Variants in SYT1 observed in about 807,000 individuals in gnomAD.
The protein encoded by SYT1 is synaptotagmin 1.
A neutral mutation model predicts 44.8 loss-of-function variants in SYT1; 8 were observed. That is an observed-to-expected ratio of 0.18 (90% CI 0.10 to 0.32). SYT1 has a LOEUF of 0.32. Among genes scored for constraint, SYT1 ranks in the 10% least tolerant of loss-of-function variants. The pLI is 1.00. For missense variants in SYT1, 286 were observed against 509.3 expected (o/e 0.56, Z 4.22); for synonymous variants, 154 against 188.8 (o/e 0.82, Z 1.51).
chr12:78,963,253 T>C (rs1002016909), intron 1 of SYT1, among the ~76,000 whole-genome samples: 2 of 152,158 alleles, frequency 1.3e-5, no homozygotes, highest in African/African-American at 4.8e-5. Flanking sequence ...CATCATGACA[T>C]TGGTTTTTGC....
At chr12:79,440,606 C>T (rs1870354602) in intron 9 of SYT1, among the ~76,000 whole-genome samples, 1 of 152,112 alleles carries the variant, frequency 6.6e-6, no homozygotes, top group African/African-American at 2.4e-5. Context: ...TTGTGAGTTT[C>T]ATTACATCTT....
chr12:79,165,758 A>C (rs1278765533), intron 3 of SYT1, among the ~76,000 whole-genome samples: 3 of 152,014 alleles, frequency 2.0e-5, no homozygotes, highest in Admixed American at 2.0e-4. Context: ...TGAACTGAGT[A>C]AATATTAAAT....
At chr12:79,220,741 A>G (rs2138575853) in intron 4 of SYT1, among the ~76,000 whole-genome samples, 1 of 152,110 alleles carries the variant, frequency 6.6e-6, no homozygotes, top group South Asian at 2.1e-4. Context: ...CATTTTTTCT[A>G]AAGTCCCTTC....
At chr12:79,079,598 T>G (rs1876888848) in intron 3 of SYT1, among the ~76,000 whole-genome samples, 1 of 152,092 alleles carries the variant, frequency 6.6e-6, no homozygotes, top group African/African-American at 2.4e-5. Context: ...ATAGTAGAAA[T>G]GACATTTTCA....
chr12:78,876,807 G>A (rs866752392), intron 1 of SYT1, among the ~76,000 whole-genome samples: 16 of 15,232 alleles, frequency 1.1e-3, no homozygotes, highest in African/African-American at 1.5e-3. Context: ...TATATTATAT[G>A]TAATACATAT....
intron 4 of SYT1, among the ~76,000 whole-genome samples, chr12:79,249,849 A>G (rs1402097765): frequency 1.3e-5 from 2 of 152,190 alleles, no homozygotes; most frequent in East Asian, 1.9e-4. Context: ...AGTAGAATGT[A>G]AAGTATCAAA....
chr12:79,276,404 G>A (rs750268095), intron 4 of SYT1, among the ~76,000 whole-genome samples: 77 of 152,022 alleles, frequency 5.1e-4, no homozygotes, highest in African/African-American at 1.6e-3. Context: ...TTAGTGGGGC[G>A]CAATGACTCA....
chr12:79,323,948 C>CT (rs56962075), intron 8 of SYT1, among the ~76,000 whole-genome samples: 2,428 of 112,594 alleles, frequency 0.022, 44 homozygotes, highest in African/African-American at 0.031. Context: ...TTTCTATTTT[C>CT]TTTTTTTTTT....
chr12:79,178,391 G>C (rs1321820245), intron 3 of SYT1, among the ~76,000 whole-genome samples: 1 of 152,022 alleles, frequency 6.6e-6, no homozygotes, highest in East Asian at 1.9e-4. Flanking sequence ...AAATTTAGCT[G>C]ATGAGAGCCA....
intron 1 of SYT1, among the ~76,000 whole-genome samples, chr12:78,885,297 G>A (rs1470581141): frequency 1.4e-5 from 2 of 145,302 alleles, no homozygotes; most frequent in Non-Finnish European, 3.0e-5. Context: ...AGGAAGGAGA[G>A]AAGAAAGGAG....
At position 78,997,664 on chromosome 12, in the gene SYT1, C is replaced by CTT. The variant is rs143170436; in HGVS notation, c.-84+19744_-84+19745dup. Among the ~76,000 whole-genome samples, 6 of 144,752 alleles carry CTT rather than the reference C, an allele frequency of 4.1e-5. No individual in the cohort carries two copies. The East Asian group carries it at 5.9e-4, about 14-fold the overall frequency. The allele number at this position is 144,752 out of a possible 152,430, so 95.0% of individuals were successfully genotyped here. On this transcript the variant is annotated intron_variant, in intron 2 of 10. Coordinates refer to ENST00000261205, the MANE Select transcript of SYT1 (RefSeq NM_005639.3). ...CCCTTTCTTTCCTTCTTTCTCTTTC[C>CTT]TTTTTTTTTTTTCTTTTTTTGAGAA...
At chr12:79,247,355 G>T (rs1319365077) in intron 4 of SYT1, among the ~76,000 whole-genome samples, 1 of 152,136 alleles carries the variant, frequency 6.6e-6, no homozygotes, top group African/African-American at 2.4e-5. Flanking sequence ...AACTCATGAG[G>T]CAGGGAAGGC....
chr12:79,324,067 C>T (rs1483625607), intron 8 of SYT1, among the ~76,000 whole-genome samples: 1 of 151,054 alleles, frequency 6.6e-6, no homozygotes, highest in African/African-American at 2.4e-5. Context: ...TCTCCTGCCT[C>T]AGCCTCCTGA....
At position 78,864,945 on chromosome 12, in the gene SYT1, GC is replaced by G. The variant is rs770898494; in HGVS notation, c.-378del. On this transcript the variant is annotated 5_prime_UTR_variant, in exon 1 of 11. Transcript: ENST00000261205. ...GGCGACCACGTGGGACCAGCTGGTG[GC>G]CCTGGAAAACCTCCCACACACCCAC... The G allele has an allele frequency of 1.3e-5, 2 of 152,262 alleles. No individual in the cohort carries two copies. Among genetic ancestry groups the G allele is most frequent in the Non-Finnish European group, 2.9e-5 (2 of 68,188 alleles). The allele number at this position is 152,262 out of a possible 1,614,324, so 9.4% of individuals were successfully genotyped here.
chr12:79,095,327 A>G (rs1190091851), intron 3 of SYT1, among the ~76,000 whole-genome samples: 1 of 151,952 alleles, frequency 6.6e-6, no homozygotes, highest in Non-Finnish European at 1.5e-5. Flanking sequence ...GAGCCCAGAG[A>G]TCCAAAAACT....
At chr12:79,265,070 G>A (rs535476201) in intron 4 of SYT1, among the ~76,000 whole-genome samples, 2 of 152,022 alleles carry the variant, frequency 1.3e-5, no homozygotes, top group East Asian at 3.9e-4. Context: ...TTTCAACCAA[G>A]TTTTCAACAT....
intron 3 of SYT1, among the ~76,000 whole-genome samples, chr12:79,105,697 G>A (rs957252326): frequency 1.2e-4 from 19 of 152,100 alleles, no homozygotes; most frequent in African/African-American, 4.6e-4. Context: ...TGGCTAACAC[G>A]GTGAAACCCC....
intron 9 of SYT1, among the ~76,000 whole-genome samples, chr12:79,364,151 A>G (rs771892514): frequency 4.6e-5 from 7 of 152,172 alleles, no homozygotes; most frequent in Non-Finnish European, 1.0e-4. Flanking sequence ...TAAAAACCAG[A>G]CAATGGAATT....
intron 1 of SYT1, among the ~76,000 whole-genome samples, chr12:78,917,641 C>T (rs184726475): frequency 6.6e-6 from 1 of 150,836 alleles, no homozygotes; most frequent in Admixed American, 6.6e-5. Flanking sequence ...AAAAGGAAAA[C>T]CAATTTTGTT....
Sources: allele counts gnomAD v4.1 joint callset (sites outside exome capture counted in the v4.1 genomes callset), GRCh38; gene constraint gnomAD v4.1.1; transcripts MANE v1.5; gene names NCBI Gene and HGNC (gene_info 2026-07-23, HGNC 2026-07-21).